USP12: variants seen among roughly 807,000 people sequenced by gnomAD.
USP12 encodes ubiquitin carboxyl-terminal hydrolase 12.
USP12 carries 19 observed loss-of-function variants against 45.5 expected under a neutral mutation model. The observed-to-expected ratio is 0.42, with a 90% confidence interval of 0.29 to 0.61. The LOEUF is 0.61. Among genes scored for constraint, USP12 ranks in the 20% least tolerant of loss-of-function variants. The pLI is 0.22. For synonymous variants in USP12, 149 were observed against 148.8 expected, an observed-to-expected ratio of 1.00 and a Z score of -0.01; for missense variants, 242 against 447.7, an observed-to-expected ratio of 0.54 and a Z score of 4.15.
intron 1 of USP12, among the ~76,000 whole-genome samples, chr13:27,118,416 T>C (rs1170876235): frequency 1.3e-5 from 2 of 152,184 alleles, no homozygotes; most frequent in South Asian, 2.1e-4. Context: ...CACTAGTTAA[T>C]AGATATCATT....
chr13:27,140,636 T>G (rs576064156), intron 1 of USP12, among the ~76,000 whole-genome samples: 9 of 152,306 alleles, frequency 5.9e-5, no homozygotes, highest in Admixed American at 6.5e-5. Flanking sequence ...GTAACAAAAC[T>G]GAAGTCTTCT....
chr13:27,147,875 C>G (rs1026033579), intron 1 of USP12, among the ~76,000 whole-genome samples: 5 of 152,168 alleles, frequency 3.3e-5, no homozygotes, highest in Non-Finnish European at 5.9e-5. Context: ...CAACTGTAAT[C>G]CCAGCACTTT....
At chr13:27,111,502 A>C (rs980126721) in intron 2 of USP12, among the ~76,000 whole-genome samples, 2 of 152,126 alleles carry the variant, frequency 1.3e-5, no homozygotes, top group Non-Finnish European at 2.9e-5. Flanking sequence ...AAAAGTTGCC[A>C]CCCTACTCGA....
At chr13:27,148,815 A>ACACACACACACACACACACACACACAC (rs1232624646) in intron 1 of USP12, among the ~76,000 whole-genome samples, 4 of 12,610 alleles carry the variant, frequency 3.2e-4, no homozygotes, top group African/African-American at 9.6e-4. Context: ...CACACACACA[A>ACACACACACACACACACACACACACAC]AAATCAGGTG....
chr13:27,073,742 C>T (rs377757164), intron 7 of USP12, among the ~76,000 whole-genome samples: 1 of 152,132 alleles, frequency 6.6e-6, no homozygotes, highest in African/African-American at 2.4e-5. Flanking sequence ...AGTAGCTAAG[C>T]GATTTACATC....
rs1198567323 is a variant in USP12, at chr13:27,087,878, C to T, written c.734+2005G>A. 7.2e-5 allele frequency among the ~76,000 whole-genome samples: 11 copies of T among 152,348 alleles called. No homozygotes were observed. In the South Asian group the frequency reaches 1.9e-3, roughly 26 times the overall value. On this transcript the variant is annotated intron_variant, in intron 6 of 8. Coordinates refer to ENST00000282344, the MANE Select transcript of USP12 (RefSeq NM_182488.4). ...ATGGATAACAATCCACTGAATAAAA[C>T]AGGAACCTTTGGGTCCACTGTAAGA...
At chr13:27,139,338 G>C (rs984879847) in intron 1 of USP12, among the ~76,000 whole-genome samples, 4 of 152,206 alleles carry the variant, frequency 2.6e-5, no homozygotes, top group Non-Finnish European at 4.4e-5. Context: ...ACTCTTGGCT[G>C]GGTGTGGTGG....
intron 1 of USP12, among the ~76,000 whole-genome samples, chr13:27,123,305 T>C (rs921066640): frequency 2.0e-5 from 3 of 152,210 alleles, no homozygotes; most frequent in Admixed American, 6.5e-5. Context: ...AACTTCTGTC[T>C]ATAGTACCTT....
Position 27,171,768 on chromosome 13 carries a change from C to A in USP12, c.-129G>T. 7.6e-6 allele frequency: 3 copies of A among 395,112 alleles called. No homozygotes were observed. Among genetic ancestry groups the A allele is most frequent in the Non-Finnish European group, 1.1e-5 (3 of 285,122 alleles). The allele number at this position is 395,112 out of a possible 1,614,324, so 24.5% of individuals were successfully genotyped here. A position where few individuals can be genotyped will look rare whatever the true frequency, so the allele number is the denominator to read the frequency against. On this transcript the variant is annotated 5_prime_UTR_variant, in exon 1 of 9. Transcript: ENST00000282344. ...CCGCCGCGGACCCAACCACCGAGCC[C>A]GCTGGGCCGCCGCTGCCGTCGTCGC...
intron 3 of USP12, among the ~76,000 whole-genome samples, chr13:27,104,577 CAA>C (rs1285185291): frequency 1.3e-5 from 2 of 152,146 alleles, no homozygotes; most frequent in Non-Finnish European, 2.9e-5. Context: ...TTAGGGGAAA[CAA>C]GATGTATTTT....
At chr13:27,157,763 C>T (rs540523210) in intron 1 of USP12, among the ~76,000 whole-genome samples, 40 of 152,280 alleles carry the variant, frequency 2.6e-4, no homozygotes, top group African/African-American at 8.2e-4. Flanking sequence ...GCTTCCCTCC[C>T]CACCACTCCC....
At chr13:27,088,609 A>G (rs577887399) in intron 6 of USP12, among the ~76,000 whole-genome samples, 1 of 152,242 alleles carries the variant, frequency 6.6e-6, no homozygotes, top group Non-Finnish European at 1.5e-5. Context: ...ATTTGGGGGC[A>G]TGGTAGGCAG....
At chr13:27,142,632 C>T (rs1877116379) in intron 1 of USP12, among the ~76,000 whole-genome samples, 1 of 152,150 alleles carries the variant, frequency 6.6e-6, no homozygotes, top group Admixed American at 6.5e-5. Context: ...ATTATTCTTG[C>T]AATTTTTCTG....
At chr13:27,107,210 A>C (rs953715651) in intron 2 of USP12, among the ~76,000 whole-genome samples, 2 of 152,166 alleles carry the variant, frequency 1.3e-5, no homozygotes, top group African/African-American at 4.8e-5. Context: ...CTGTGATTCC[A>C]ACTACTCAGG....
At chr13:27,103,775 G>A (rs1251050244) in intron 3 of USP12, among the ~76,000 whole-genome samples, 3 of 145,904 alleles carry the variant, frequency 2.1e-5, no homozygotes, top group Non-Finnish European at 3.0e-5. Flanking sequence ...GAGAGAGACA[G>A]AGAGAGAAAG....
rs1293841747 is a variant in USP12 at position 27,171,798 on chromosome 13, G to C, written c.-159C>G. ...GGCCGCCGCTGCCGTCGTCGCCGCC[G>C]GCGCTCAGGCACTCCCGGCCTCGGG... On this transcript the variant is annotated 5_prime_UTR_variant, in exon 1 of 9. Transcript: ENST00000282344. 1.4e-5 allele frequency: 3 copies of C among 219,104 alleles called. No individual in the cohort carries two copies. The highest frequency in any genetic ancestry group is 2.4e-5 in the African/African-American group (1 of 41,598). 13.6% of individuals were successfully genotyped at this position (219,104 alleles called of 1,614,324 possible). A position where few individuals can be genotyped will look rare whatever the true frequency, so the allele number is the denominator to read the frequency against.
At chr13:27,168,102 G>A (rs563342969) in intron 1 of USP12, among the ~76,000 whole-genome samples, 45 of 152,264 alleles carry the variant, frequency 3.0e-4, no homozygotes, top group Admixed American at 7.2e-4. Context: ...AGAAAAGCCC[G>A]TGGGACTCTC....
intron 1 of USP12, among the ~76,000 whole-genome samples, chr13:27,126,397 G>A (rs1876240196): frequency 6.6e-6 from 1 of 152,140 alleles, no homozygotes; most frequent in Admixed American, 6.5e-5. Context: ...CCTGTGAGAA[G>A]GAAAACAAAC....
At chr13:27,073,899 C>G (rs1448633134) in intron 7 of USP12, among the ~76,000 whole-genome samples, 1 of 152,294 alleles carries the variant, frequency 6.6e-6, no homozygotes, top group Middle Eastern at 3.4e-3. Context: ...GTTTCTCTCA[C>G]TCTGAAAACC....
Sources: gnomAD v4.1 joint callset for allele counts (sites outside exome capture counted in the v4.1 genomes callset) on GRCh38, gnomAD v4.1.1 for gene constraint, MANE v1.5 for transcripts, NCBI Gene and HGNC (gene_info 2026-07-23, HGNC 2026-07-21) for gene names.